Variants in ADAMTS16 observed in about 807,000 individuals in gnomAD.
The protein encoded by ADAMTS16 is A disintegrin and metalloproteinase with thrombospondin motifs 16.
A neutral mutation model predicts 145.8 loss-of-function variants in ADAMTS16; 94 were observed. The ratio of observed to expected loss-of-function variants is 0.64; its 90% CI spans 0.55 to 0.77. The LOEUF (loss-of-function observed/expected upper bound fraction) is 0.77. ADAMTS16 is among the 30% of genes least tolerant of loss of function. The pLI is 0.00. For missense variants in ADAMTS16, 1,585 were observed against 1,591.5 expected, an observed-to-expected ratio of 1.00 and a Z score of 0.07; for synonymous variants, 659 against 604.3, an observed-to-expected ratio of 1.09 and a Z score of -1.33.
At chr5:5,261,267 A>T (rs1258578389) in intron 17 of ADAMTS16, among the ~76,000 whole-genome samples, 1 of 151,846 alleles carries the variant, frequency 6.6e-6, no homozygotes, top group Non-Finnish European at 1.5e-5. Context: ...CCTCCTGAGT[A>T]CGCGGGACTA....
At chr5:5,251,171 AC>A (rs1212371129) in intron 17 of ADAMTS16, among the ~76,000 whole-genome samples, 5 of 152,064 alleles carry the variant, frequency 3.3e-5, no homozygotes, top group African/African-American at 9.7e-5. Flanking sequence ...TTCCTGAGAC[AC>A]CCCTCCTTGA....
At chr5:5,172,702 A>G (rs1334749049) in intron 3 of ADAMTS16, among the ~76,000 whole-genome samples, 3 of 151,638 alleles carry the variant, frequency 2.0e-5, no homozygotes, top group Non-Finnish European at 4.4e-5. Context: ...TGAGGAGGAG[A>G]ATGTGTATTC....
rs1170877072 is a variant in ADAMTS16, at chr5:5,312,476, T to TTGCTC, written c.3412-5656_3412-5652dup. On this transcript the variant is annotated intron_variant, in intron 21 of 22. Transcript: ENST00000274181. ...TTTTTTTTTTTTTTGAGACAGAGTT[T>TTGCTC]TGCTCTTGTCACCCAGGCTGTAGTG... is the stretch of plus-strand genomic sequence containing the variant. Among the ~76,000 whole-genome samples, 7 of 151,410 alleles carry TTGCTC rather than the reference T, an allele frequency of 4.6e-5. No homozygotes were observed. In the East Asian group the frequency reaches 9.8e-4, roughly 21 times the overall value.
At chr5:5,238,630 A>C (rs35643140) in intron 14 of ADAMTS16, among the ~76,000 whole-genome samples, 465 of 152,310 alleles carry the variant, frequency 3.1e-3, no homozygotes, top group Middle Eastern at 0.027. Context: ...TTTGTTAGAA[A>C]GTGTAATACA....
rs368811446 is a variant in ADAMTS16 at position 5,186,301 on chromosome 5, G to GGGGGGTGTGTGTGTGTGT, written c.963+51_963+52insGGGGTGTGTGTGTGTGTG. ...CCACCTGTGTCATTGCACTTCGTAG[G>GGGGGGTGTGTGTGTGTGT]GTGTGTGTGTGTGTGTGTGTGTGTG... On this transcript the variant is annotated intron_variant, in intron 5 of 22. Coordinates refer to ENST00000274181, the MANE Select transcript of ADAMTS16 (RefSeq NM_139056.4). 160 of 987,448 alleles carry GGGGGGTGTGTGTGTGTGT rather than the reference G, an allele frequency of 1.6e-4. 1 individual carries two copies. In the African/African-American group the frequency reaches 2.4e-3, roughly 15 times the overall value. The allele number at this position is 987,448 out of a possible 1,614,324, so 61.2% of individuals were successfully genotyped here.
intron 3 of ADAMTS16, among the ~76,000 whole-genome samples, chr5:5,179,801 C>G (rs987861525): frequency 6.6e-6 from 1 of 152,126 alleles, no homozygotes; most frequent in African/African-American, 2.4e-5. Flanking sequence ...AGGTCTACCC[C>G]CCATGGTGGT....
chr5:5,274,973 A>T (rs551583822), intron 18 of ADAMTS16, among the ~76,000 whole-genome samples: 1 of 152,188 alleles, frequency 6.6e-6, no homozygotes, highest in Admixed American at 6.5e-5. Flanking sequence ...ACATGCTTCA[A>T]ATATTTTGGA....
intron 10 of ADAMTS16, among the ~76,000 whole-genome samples, chr5:5,211,724 C>T (rs1736274606): frequency 6.6e-6 from 1 of 152,020 alleles, no homozygotes; most frequent in Non-Finnish European, 1.5e-5. Flanking sequence ...TTAGCTGTAT[C>T]CTGAAAATGT....
chr5:5,280,892 TC>T (rs1420390431), intron 18 of ADAMTS16, among the ~76,000 whole-genome samples: 4 of 152,212 alleles, frequency 2.6e-5, no homozygotes, highest in Admixed American at 2.6e-4. Context: ...CAACTGGAAA[TC>T]CCAAGTCTGG....
chr5:5,291,627 C>T (rs535739785), intron 18 of ADAMTS16, among the ~76,000 whole-genome samples: 187 of 152,204 alleles, frequency 1.2e-3, no homozygotes, highest in African/African-American at 4.0e-3. Context: ...CCCAGGCATC[C>T]TGACCGCAGA....
intron 10 of ADAMTS16, among the ~76,000 whole-genome samples, chr5:5,215,870 G>GTATGTATA (rs1736420675): frequency 1.5e-4 from 15 of 101,610 alleles, no homozygotes; most frequent in African/African-American, 7.5e-4. Flanking sequence ...GTGTGTATGT[G>GTATGTATA]TATATATATA....
chr5:5,256,388 G>A (rs1327008205), intron 17 of ADAMTS16, among the ~76,000 whole-genome samples: 11 of 152,214 alleles, frequency 7.2e-5, no homozygotes, highest in Non-Finnish European at 1.6e-4. Flanking sequence ...TCACAGCTAA[G>A]ACATAACTGG....
chr5:5,184,350 A>T (rs1394464123), intron 4 of ADAMTS16, among the ~76,000 whole-genome samples: 1 of 152,002 alleles, frequency 6.6e-6, no homozygotes, highest in Non-Finnish European at 1.5e-5. Flanking sequence ...TCACCGATGC[A>T]TGGATGTACC....
At chr5:5,141,857 C>T (rs1005527786) in intron 2 of ADAMTS16, among the ~76,000 whole-genome samples, 1 of 150,938 alleles carries the variant, frequency 6.6e-6, no homozygotes, top group Admixed American at 6.7e-5. Flanking sequence ...TTGAGAACCA[C>T]CAGGGGGCGC....
rs201782122 is a variant in ADAMTS16 at position 5,304,989 on chromosome 5, C to CCACA, written c.3186+1236_3186+1239dup. ...CACACACACACACACACATCCTACA[C>CCACA]CACACACACACACACATCCCACACC... On this transcript the variant is annotated intron_variant, in intron 20 of 22. Coordinates refer to ENST00000274181, the MANE Select transcript of ADAMTS16 (RefSeq NM_139056.4). Among the ~76,000 whole-genome samples the CCACA allele has an allele frequency of 9.2e-3, 527 of 57,232 alleles. 13 individuals are homozygous for CCACA. Among genetic ancestry groups the CCACA allele is most frequent in the East Asian group, 0.015 (20 of 1,318 alleles). The allele number at this position is 57,232 out of a possible 152,430, so 37.5% of individuals were successfully genotyped here. A position where few individuals can be genotyped will look rare whatever the true frequency, so the allele number is the denominator to read the frequency against.
chr5:5,172,071 C>A (rs370951373), intron 3 of ADAMTS16, among the ~76,000 whole-genome samples: 5 of 152,094 alleles, frequency 3.3e-5, no homozygotes, highest in African/African-American at 1.2e-4. Context: ...ACAGAAGCCT[C>A]TAATCATCCT....
intron 14 of ADAMTS16, among the ~76,000 whole-genome samples, chr5:5,237,670 G>A (rs1737148744): frequency 6.6e-6 from 1 of 152,194 alleles, no homozygotes; most frequent in Non-Finnish European, 1.5e-5. Flanking sequence ...GTGGGCAGTA[G>A]TGTGGAGAGT....
chr5:5,246,456 G>GA lies in ADAMTS16; in HGVS notation c.2662+4272dup, dbSNP rs547417095. Among the ~76,000 whole-genome samples the GA allele has an allele frequency of 1.4e-3, 206 of 152,136 alleles. 1 individual carries two copies. Among genetic ancestry groups the GA allele is most frequent in the African/African-American group, 3.9e-3 (162 of 41,512 alleles). On this transcript the variant is annotated intron_variant, in intron 17 of 22. Transcript: ENST00000274181. ...TTTAATTCATTTAGGGATTAGGTTT[G>GA]AAAAAAATGATTGAAATCGCTTGCA...
intron 11 of ADAMTS16, among the ~76,000 whole-genome samples, chr5:5,229,540 A>AT (rs1238258395): frequency 6.6e-6 from 1 of 152,014 alleles, no homozygotes; most frequent in Non-Finnish European, 1.5e-5. Flanking sequence ...CTCAGTGTTG[A>AT]TTTTTTTAAC....
Sources: allele counts gnomAD v4.1 joint callset (sites outside exome capture counted in the v4.1 genomes callset), GRCh38; gene constraint gnomAD v4.1.1; transcripts MANE v1.5; gene names NCBI Gene and HGNC (gene_info 2026-07-23, HGNC 2026-07-21).